Variants in DLG2 observed in about 807,000 individuals in gnomAD.
DLG2 encodes disks large homolog 2.
Under a neutral mutation model 132.5 loss-of-function variants are expected in DLG2, and 45 were observed. That is an observed-to-expected ratio of 0.34 (90% CI 0.27 to 0.44). The LOEUF (loss-of-function observed/expected upper bound fraction) is 0.44. Ranked by LOEUF, DLG2 falls within the 20% of genes least tolerant of loss-of-function variation. DLG2 has a pLI of 1.00. For synonymous variants in DLG2, 424 were observed against 419.6 expected, an observed-to-expected ratio of 1.01 and a Z score of -0.13; for missense variants, 1,045 against 1,196.9, an observed-to-expected ratio of 0.87 and a Z score of 1.87.
At chr11:84,579,269 G>C (rs1232847415) in intron 6 of DLG2, among the ~76,000 whole-genome samples, 2 of 150,500 alleles carry the variant, frequency 1.3e-5, no homozygotes, top group South Asian at 4.2e-4. Context: ...GTACAAAAAG[G>C]GTTCATGATT....
At chr11:84,217,070 T>C (rs1045293107) in intron 8 of DLG2, among the ~76,000 whole-genome samples, 1 of 152,236 alleles carries the variant, frequency 6.6e-6, no homozygotes, top group African/African-American at 2.4e-5. Flanking sequence ...CTTAGCAGAA[T>C]GTTTCCTAAA....
intron 16 of DLG2, among the ~76,000 whole-genome samples, chr11:83,854,354 T>A (rs2060200619): frequency 6.6e-6 from 1 of 152,138 alleles, no homozygotes. Flanking sequence ...TCCTAGCAAG[T>A]TATTTTGTGA....
intron 6 of DLG2, chr11:84,640,255 A>T: frequency 3.2e-6 from 1 of 314,532 alleles, no homozygotes; most frequent in Non-Finnish European, 6.2e-6. Flanking sequence ...GGCTTCCATT[A>T]CAAGACGAGG....
At chr11:84,981,300 T>C (rs535864863) in intron 6 of DLG2, among the ~76,000 whole-genome samples, 1 of 152,194 alleles carries the variant, frequency 6.6e-6, no homozygotes, top group South Asian at 2.1e-4. Flanking sequence ...ATAGCATAAC[T>C]GAGAAACCTT....
chr11:84,091,795 T>C (rs1016395704), intron 10 of DLG2, among the ~76,000 whole-genome samples: 23 of 152,196 alleles, frequency 1.5e-4, no homozygotes, highest in African/African-American at 5.5e-4. Context: ...AGCTGGACTG[T>C]ATTCATTTTG....
chr11:83,787,643 T>C (rs2040399207), intron 17 of DLG2, among the ~76,000 whole-genome samples: 1 of 152,172 alleles, frequency 6.6e-6, no homozygotes, highest in East Asian at 1.9e-4. Context: ...AATATATACT[T>C]GACTGTCCTA....
At chr11:85,355,933 C>T (rs1440185089) in intron 3 of DLG2, among the ~76,000 whole-genome samples, 1 of 152,174 alleles carries the variant, frequency 6.6e-6, no homozygotes, top group Admixed American at 6.5e-5. Flanking sequence ...ACTGATCTAC[C>T]TATCTGCCTT....
At chr11:83,801,125 C>T (rs1293498153) in intron 17 of DLG2, among the ~76,000 whole-genome samples, 1 of 152,094 alleles carries the variant, frequency 6.6e-6, no homozygotes, top group Non-Finnish European at 1.5e-5. Flanking sequence ...GAATCAAGAA[C>T]CTCCATTCAT....
At chr11:84,324,211 T>C (rs1235686985) in intron 7 of DLG2, among the ~76,000 whole-genome samples, 1 of 152,128 alleles carries the variant, frequency 6.6e-6, no homozygotes, top group Admixed American at 6.5e-5. Context: ...TTCAGGTCTT[T>C]AGTTTATTTT....
chr11:84,102,671 A>C (rs529339188), intron 9 of DLG2, among the ~76,000 whole-genome samples: 35 of 152,228 alleles, frequency 2.3e-4, no homozygotes, highest in African/African-American at 6.5e-4. Flanking sequence ...TTGAAAGGTT[A>C]AACTGGATGA....
chr11:85,624,790 G>GT (rs1169422137), intron 2 of DLG2, among the ~76,000 whole-genome samples: 1 of 152,096 alleles, frequency 6.6e-6, no homozygotes. Context: ...ATATAAACTG[G>GT]TTTTTCTAAT....
At chr11:84,190,042 G>A (rs1215792950) in intron 8 of DLG2, among the ~76,000 whole-genome samples, 1 of 151,974 alleles carries the variant, frequency 6.6e-6, no homozygotes, top group Non-Finnish European at 1.5e-5. Context: ...GCACAGTAAG[G>A]TAAGTGTCAA....
At chr11:85,470,419 T>C (rs2092947585) in intron 3 of DLG2, among the ~76,000 whole-genome samples, 1 of 152,096 alleles carries the variant, frequency 6.6e-6, no homozygotes, top group African/African-American at 2.4e-5. Context: ...GAAGATATTA[T>C]AGTGAGTAAA....
intron 15 of DLG2, among the ~76,000 whole-genome samples, chr11:83,890,233 T>C (rs17146322): frequency 6.6e-6 from 1 of 151,994 alleles, no homozygotes; most frequent in Non-Finnish European, 1.5e-5. Flanking sequence ...CTAATTCAAA[T>C]TGCCCTGGAT....
intron 4 of DLG2, among the ~76,000 whole-genome samples, chr11:85,241,192 T>A (rs2075859409): frequency 6.6e-6 from 1 of 151,906 alleles, no homozygotes; most frequent in East Asian, 1.9e-4. Flanking sequence ...GTTTTCCAGT[T>A]ATTTGTTAGT....
intron 7 of DLG2, among the ~76,000 whole-genome samples, chr11:84,408,006 T>C (rs2098866453): frequency 6.6e-6 from 1 of 152,170 alleles, no homozygotes; most frequent in Non-Finnish European, 1.5e-5. Context: ...TAGATTATCC[T>C]TTTTCAAGGA....
At chr11:84,700,366 C>G (rs892337210) in intron 6 of DLG2, among the ~76,000 whole-genome samples, 1 of 151,286 alleles carries the variant, frequency 6.6e-6, no homozygotes, top group Non-Finnish European at 1.5e-5. Context: ...GCAACAAAAG[C>G]AGTCTTCAGT....
At chr11:83,883,883 G>A (rs2067008044) in intron 15 of DLG2, among the ~76,000 whole-genome samples, 1 of 151,992 alleles carries the variant, frequency 6.6e-6, no homozygotes, top group Admixed American at 6.5e-5. Flanking sequence ...GCTTAAATCA[G>A]GTATTAGATA....
intron 6 of DLG2, among the ~76,000 whole-genome samples, chr11:84,597,286 C>A (rs928967647): frequency 4.6e-5 from 7 of 151,944 alleles, no homozygotes; most frequent in African/African-American, 1.7e-4. Flanking sequence ...AGTCTAACTG[C>A]GAAGACAGCA....
Sources: gnomAD v4.1 joint callset for allele counts (sites outside exome capture counted in the v4.1 genomes callset) on GRCh38, gnomAD v4.1.1 for gene constraint, MANE v1.5 for transcripts, NCBI Gene and HGNC (gene_info 2026-07-23, HGNC 2026-07-21) for gene names.